Variants in CNBD1 observed in about 807,000 individuals in gnomAD.
CNBD1 encodes the protein cyclic nucleotide binding domain containing 1, also known as cyclic nucleotide-binding domain-containing protein 1.
A neutral mutation model predicts 54.4 loss-of-function variants in CNBD1; 71 were observed. The ratio of observed to expected loss-of-function variants is 1.30; its 90% confidence interval spans 1.08 to 1.59. The LOEUF is 1.59. Ranked by LOEUF, CNBD1 falls within the 40% of genes most tolerant of loss-of-function variation. CNBD1 has a pLI of 0.00. For missense variants in CNBD1, 659 were observed against 518.0 expected, an observed-to-expected ratio of 1.27 and a Z score of -2.64; for synonymous variants, 182 against 170.7, an observed-to-expected ratio of 1.07 and a Z score of -0.51.
In CNBD1 at chr8:87,351,767, A is replaced by G; in HGVS notation, c.1125A>G (p.Gly375=). 1 of 1,514,468 alleles carries G rather than the reference A, an allele frequency of 6.6e-7. No homozygotes were observed. 93.8% of individuals were successfully genotyped at this position (1,514,468 alleles called of 1,614,324 possible). ...GTAACATTTATAGAAGTATTATAGG[A>G]TTTGTGAAACTACGATCAAATAAAG... The part of the protein sequence containing the change: ...GCCNIYRSII[G]FVKLRSNKVK... Residue 375 remains glycine, a synonymous_variant, in exon 9 of 11, where the codon GGA becomes GGG. Coordinates refer to ENST00000518476, the MANE Select transcript of CNBD1 (RefSeq NM_173538.3).
chr8:86,921,652 C>T (rs7387763), intron 3 of CNBD1, among the ~76,000 whole-genome samples: 60,474 of 151,826 alleles, frequency 0.4, 12,400 homozygotes, highest in African/African-American at 0.48. Flanking sequence ...ATCAGATCTC[C>T]TGACACTTAT....
chr8:87,225,489 T>G (rs1814461698), intron 5 of CNBD1, among the ~76,000 whole-genome samples: 2 of 150,622 alleles, frequency 1.3e-5, no homozygotes, highest in African/African-American at 4.9e-5. Flanking sequence ...CTGCATCTAT[T>G]GAGATAATCA....
At chr8:87,307,865 TAAC>T (rs1809190915) in intron 8 of CNBD1, among the ~76,000 whole-genome samples, 1 of 151,648 alleles carries the variant, frequency 6.6e-6, no homozygotes, top group Admixed American at 6.6e-5. Context: ...AGAGAAAAAA[TAAC>T]AATAAACAAA....
chr8:86,959,727 G>C (rs1247175200), intron 4 of CNBD1, among the ~76,000 whole-genome samples: 2 of 152,096 alleles, frequency 1.3e-5, no homozygotes, highest in African/African-American at 4.8e-5. Context: ...TCTCTATGCT[G>C]TTTATTCTAG....
chr8:87,154,152 A>T (rs1178545000), intron 4 of CNBD1, among the ~76,000 whole-genome samples: 1 of 152,152 alleles, frequency 6.6e-6, no homozygotes, highest in Non-Finnish European at 1.5e-5. Context: ...GCTGTTTAAG[A>T]TACAAAGATT....
chr8:86,964,439 G>A (rs1207195871), intron 4 of CNBD1, among the ~76,000 whole-genome samples: 1 of 152,192 alleles, frequency 6.6e-6, no homozygotes, highest in Non-Finnish European at 1.5e-5. Context: ...CACTTGCAGG[G>A]TGGCCTGCTT....
intron 4 of CNBD1, among the ~76,000 whole-genome samples, chr8:87,198,634 A>C (rs1269786337): frequency 6.6e-6 from 1 of 152,190 alleles, no homozygotes; most frequent in African/African-American, 2.4e-5. Flanking sequence ...GACAACACAC[A>C]ACTTTTGCCA....
intron 5 of CNBD1, among the ~76,000 whole-genome samples, chr8:87,221,451 T>C (rs569919714): frequency 2.0e-5 from 3 of 152,258 alleles, no homozygotes; most frequent in African/African-American, 7.2e-5. Flanking sequence ...CTGCTTCTGG[T>C]CTTGTTCATT....
chr8:87,232,641 C>T (rs577002039), intron 5 of CNBD1, among the ~76,000 whole-genome samples: 20 of 152,068 alleles, frequency 1.3e-4, no homozygotes, highest in Middle Eastern at 3.4e-3. Flanking sequence ...AGCTAAAAAA[C>T]GTTATATAAA....
intron 10 of CNBD1, among the ~76,000 whole-genome samples, chr8:87,361,358 C>A (rs7817011): frequency 4.0e-3 from 611 of 151,218 alleles, no homozygotes; most frequent in African/African-American, 0.014. Flanking sequence ...TAAATGAGCT[C>A]TTAGAAATCA....
chr8:87,082,257 C>A lies in CNBD1; in HGVS notation c.432-123736C>A, dbSNP rs189221624. ...CTGCACCTTGTGACCCACACCCCTGCCCGCAAGAGATAACCACCTTTAACT... is the reference window on the plus strand; with the variant it reads ...CTGCACCTTGTGACCCACACCCCTGACCGCAAGAGATAACCACCTTTAACT... On this transcript the variant is annotated intron_variant, in intron 4 of 10. Transcript: ENST00000518476. Among the ~76,000 whole-genome samples the A allele has an allele frequency of 2.1e-3, 325 of 152,238 alleles. 5 individuals are homozygous for A. Among genetic ancestry groups the A allele is most frequent in the African/African-American group, 7.2e-3 (300 of 41,540 alleles).
At chr8:87,313,199 G>A (rs956683797) in intron 8 of CNBD1, among the ~76,000 whole-genome samples, 3 of 151,958 alleles carry the variant, frequency 2.0e-5, no homozygotes, top group African/African-American at 7.2e-5. Flanking sequence ...CACATACTAC[G>A]TTAATATTTA....
At chr8:87,159,485 G>C (rs1022675963) in intron 4 of CNBD1, among the ~76,000 whole-genome samples, 1 of 152,102 alleles carries the variant, frequency 6.6e-6, no homozygotes, top group African/African-American at 2.4e-5. Flanking sequence ...CTTTGTCTTG[G>C]AGGGCTCTCT....
chr8:87,264,268 G>A (rs1044363546), intron 6 of CNBD1, among the ~76,000 whole-genome samples: 20 of 151,960 alleles, frequency 1.3e-4, no homozygotes, highest in Middle Eastern at 3.4e-3. Flanking sequence ...TTGTCCTTGC[G>A]ATAGTTTGCT....
intron 4 of CNBD1, among the ~76,000 whole-genome samples, chr8:87,183,411 A>T (rs1198981192): frequency 1.1e-5 from 1 of 89,174 alleles, no homozygotes; most frequent in African/African-American, 3.8e-5. Context: ...TTTGCTAATG[A>T]TGGCTATATT....
At chr8:87,298,145 ATTG>A (rs1168634041) in intron 8 of CNBD1, among the ~76,000 whole-genome samples, 1 of 150,184 alleles carries the variant, frequency 6.7e-6, no homozygotes, top group East Asian at 1.9e-4. Context: ...GATTTTTATT[ATTG>A]TTATTGTAAC....
intron 4 of CNBD1, among the ~76,000 whole-genome samples, chr8:87,036,963 C>A (rs1432923969): frequency 6.6e-6 from 1 of 152,160 alleles, no homozygotes; most frequent in Non-Finnish European, 1.5e-5. Context: ...ACCTTTTTGG[C>A]AAATGATGTC....
At chr8:87,349,428 T>C (rs1047424039) in intron 8 of CNBD1, among the ~76,000 whole-genome samples, 2 of 152,128 alleles carry the variant, frequency 1.3e-5, no homozygotes, top group Admixed American at 1.3e-4. Context: ...CAGGTGGGAG[T>C]GCAGTGTCAT....
At chr8:87,271,755 G>A (rs188633717) in intron 6 of CNBD1, among the ~76,000 whole-genome samples, 11 of 151,438 alleles carry the variant, frequency 7.3e-5, no homozygotes, top group Admixed American at 6.6e-4. Context: ...CTACTGTTGG[G>A]TATTTACCTA....
Sources: gnomAD v4.1 joint callset for allele counts (sites outside exome capture counted in the v4.1 genomes callset) on GRCh38, gnomAD v4.1.1 for gene constraint, MANE v1.5 for transcripts, NCBI Gene and HGNC (gene_info 2026-07-23, HGNC 2026-07-21) for gene names.